SMCHD1: variants seen among roughly 807,000 people sequenced by gnomAD.
The protein encoded by SMCHD1 is structural maintenance of chromosomes flexible hinge domain-containing protein 1.
Under a neutral mutation model 254.7 loss-of-function variants are expected in SMCHD1, and 78 were observed. That is an observed-to-expected ratio of 0.31 (90% CI 0.26 to 0.37). SMCHD1 has a LOEUF of 0.37. SMCHD1 is among the 10% of genes least tolerant of loss of function. SMCHD1 has a pLI of 1.00. For missense variants in SMCHD1, 1,840 were observed against 2,408.1 expected (o/e 0.76, Z 4.94); for synonymous variants, 766 against 794.9 (o/e 0.96, Z 0.61).
At position 2,662,564 on chromosome 18, in the gene SMCHD1, G is replaced by C. The variant is rs184710948; in HGVS notation, c.187-3593G>C. 1.1e-3 allele frequency among the ~76,000 whole-genome samples: 164 copies of C among 150,322 alleles called. 1 individual carries two copies. The highest frequency in any genetic ancestry group is 3.9e-3 in the African/African-American group (160 of 40,920). Reference sequence around the variant, plus strand: ...GGAGGCAGAGGCAGGAGAATGGTGTGAACCCGGGCGGCGGAGCTTGCAGTG... The same window carrying C: ...GGAGGCAGAGGCAGGAGAATGGTGTCAACCCGGGCGGCGGAGCTTGCAGTG... On this transcript the variant is annotated intron_variant, in intron 1 of 47. Transcript: ENST00000320876.
intron 47 of SMCHD1, among the ~76,000 whole-genome samples, chr18:2,799,606 C>CT (rs1260720843): frequency 6.6e-6 from 1 of 152,152 alleles, no homozygotes; most frequent in Non-Finnish European, 1.5e-5. Context: ...CTATATGGGT[C>CT]TAATGTCATG....
intron 44 of SMCHD1, among the ~76,000 whole-genome samples, chr18:2,780,605 T>C (rs1291665913): frequency 6.6e-6 from 1 of 152,204 alleles, no homozygotes; most frequent in Non-Finnish European, 1.5e-5. Flanking sequence ...AATGAGATAT[T>C]TGGATACTTA....
At chr18:2,799,405 G>A (rs10468731) in intron 47 of SMCHD1, among the ~76,000 whole-genome samples, 44,153 of 152,042 alleles carry the variant, frequency 0.29, 6,661 homozygotes, top group East Asian at 0.51. Flanking sequence ...GCTGATGATC[G>A]TAAAATCTTG....
intron 45 of SMCHD1, among the ~76,000 whole-genome samples, chr18:2,794,648 A>G (rs1442969428): frequency 6.6e-6 from 1 of 152,230 alleles, no homozygotes; most frequent in Non-Finnish European, 1.5e-5. Flanking sequence ...AACCTGAATA[A>G]TGTAATACTT....
intron 45 of SMCHD1, chr18:2,785,070 AGT>A (rs1225105677): frequency 3.5e-6 from 1 of 288,258 alleles, no homozygotes; most frequent in Non-Finnish European, 6.8e-6. Flanking sequence ...CTTATTAGAA[AGT>A]GTATGACATG....
At chr18:2,665,209 A>G (rs2073402439) in intron 1 of SMCHD1, among the ~76,000 whole-genome samples, 1 of 152,154 alleles carries the variant, frequency 6.6e-6, no homozygotes, top group South Asian at 2.1e-4. Flanking sequence ...GTGATTTTAC[A>G]GTTCATGTGT....
intron 28 of SMCHD1, among the ~76,000 whole-genome samples, chr18:2,741,029 A>G (rs1183327414): frequency 1.3e-5 from 2 of 152,210 alleles, no homozygotes; most frequent in African/African-American, 4.8e-5. Flanking sequence ...ATCATCTTCA[A>G]CAGTCATCAT....
Position 2,656,249 on chromosome 18 carries a change from G to A in SMCHD1, c.174G>A (p.Ala58=). Residue 58 remains alanine (A), a synonymous_variant, in exon 1 of 48, where the codon GCG becomes GCA. Transcript: ENST00000320876. ...GCTCGGACTACGCGGGATTTCGCGC[G>A]TGTGTGTGTCAGGTACGCGAAGGGG... ...GERSDYAGFR[A]CVCQTLGISP... is the part of the protein sequence containing the mutation. 2.0e-6 allele frequency: 3 copies of A among 1,493,068 alleles called. No individual in the cohort carries two copies. Among genetic ancestry groups the A allele is most frequent in the Non-Finnish European group, 2.7e-6 (3 of 1,130,832 alleles). The allele number at this position is 1,493,068 out of a possible 1,614,324, so 92.5% of individuals were successfully genotyped here.
rs2076399010 is a variant in SMCHD1 at position 2,803,450 on chromosome 18, CAT to C, written c.*905_*906del. Reference sequence around the variant, plus strand: ...AAATGTATATTAACCTAATGTATGTCATATATATGTCTTTGTGTAAGTTCAAG... The same window carrying C: ...AAATGTATATTAACCTAATGTATGTCATATATGTCTTTGTGTAAGTTCAAG... On this transcript the variant is annotated 3_prime_UTR_variant, in exon 48 of 48. Coordinates refer to ENST00000320876, the MANE Select transcript of SMCHD1 (RefSeq NM_015295.3). 1 of 151,768 alleles carries C rather than the reference CAT, an allele frequency of 6.6e-6. No individual in the cohort carries two copies. Among genetic ancestry groups the C allele is most frequent in the African/African-American group, 2.4e-5 (1 of 41,354 alleles). 9.4% of individuals were successfully genotyped at this position (151,768 alleles called of 1,614,324 possible).
chr18:2,701,095 G>A (rs751610262), intron 12 of SMCHD1, 177 bp downstream of exon 12: 9 of 442,664 alleles, frequency 2.0e-5, no homozygotes, highest in Non-Finnish European at 3.6e-5. Flanking sequence ...TAATTTTTTA[G>A]TAATGACTAA....
At chr18:2,684,820 A>T (rs1259433497) in intron 5 of SMCHD1, among the ~76,000 whole-genome samples, 3 of 151,518 alleles carry the variant, frequency 2.0e-5, no homozygotes, top group African/African-American at 7.3e-5. Flanking sequence ...TCTTTAATTT[A>T]TCACAGTCTG....
intron 5 of SMCHD1, among the ~76,000 whole-genome samples, chr18:2,682,239 C>T (rs1366072109): frequency 6.6e-6 from 1 of 151,724 alleles, no homozygotes; most frequent in Admixed American, 6.6e-5. Context: ...ACCCTGGCTT[C>T]CTGGCAATCA....
intron 8 of SMCHD1, among the ~76,000 whole-genome samples, chr18:2,695,453 G>T (rs1480315755): frequency 1.3e-5 from 2 of 151,952 alleles, no homozygotes; most frequent in Non-Finnish European, 2.9e-5. Context: ...GGGATTACAG[G>T]CGCGTGCCAC....
intron 30 of SMCHD1, among the ~76,000 whole-genome samples, chr18:2,749,787 T>G (rs560451104): frequency 6.6e-6 from 1 of 152,324 alleles, no homozygotes; most frequent in South Asian, 2.1e-4. Context: ...GAACTAGAAA[T>G]CTGCAACTTA....
chr18:2,656,463 G>A (rs2073060927), intron 1 of SMCHD1, among the ~76,000 whole-genome samples: 1 of 152,342 alleles, frequency 6.6e-6, no homozygotes, highest in African/African-American at 2.4e-5. Context: ...GCCTCGAAGT[G>A]CAGGGCCGGC....
chr18:2,755,895 A>T (rs1407610346), intron 34 of SMCHD1, among the ~76,000 whole-genome samples: 2 of 152,090 alleles, frequency 1.3e-5, no homozygotes, highest in African/African-American at 4.8e-5. Context: ...ATCATACCAC[A>T]GCATCTTGGA....
intron 41 of SMCHD1, among the ~76,000 whole-genome samples, chr18:2,774,925 T>G (rs2076041587): frequency 6.6e-6 from 1 of 152,256 alleles, no homozygotes; most frequent in Admixed American, 6.5e-5. Context: ...ATGCCACCCT[T>G]GAACCTTGTT....
chr18:2,792,027 A>G lies in SMCHD1; in HGVS notation c.5720-3922A>G, dbSNP rs533026305. ...TTATTGAATTGTAAAATCTGAAACT[A>G]TACTAACTGCGAGCTGCTATATTCC... is the stretch of plus-strand genomic sequence containing the variant. On this transcript the variant is annotated intron_variant, in intron 45 of 47. Transcript: ENST00000320876. 3.3e-5 allele frequency among the ~76,000 whole-genome samples: 5 copies of G among 152,376 alleles called. 1 individual carries two copies. The highest frequency in any genetic ancestry group is 9.6e-5 in the African/African-American group (4 of 41,596).
intron 34 of SMCHD1, among the ~76,000 whole-genome samples, chr18:2,755,670 C>G (rs1598408660): frequency 6.7e-6 from 1 of 148,270 alleles, no homozygotes; most frequent in African/African-American, 2.5e-5. Flanking sequence ...CGGGTTCATG[C>G]CATTCTCCTG....
Sources: gnomAD v4.1 joint callset for allele counts (sites outside exome capture counted in the v4.1 genomes callset) on GRCh38, gnomAD v4.1.1 for gene constraint, MANE v1.5 for transcripts, NCBI Gene and HGNC (gene_info 2026-07-23, HGNC 2026-07-21) for gene names.